Variants in CFAP43 observed in about 807,000 individuals in gnomAD.
CFAP43 encodes cilia and flagella associated protein 43.
In CFAP43, 155 loss-of-function variants were observed where a neutral mutation model predicts 218.9. That is an observed-to-expected ratio of 0.71 (90% CI 0.62 to 0.81). The LOEUF is 0.81. Ranked by LOEUF, CFAP43 falls within the 30% of genes least tolerant of loss-of-function variation. CFAP43 has a pLI of 0.00. For synonymous variants in CFAP43, 645 were observed against 681.3 expected (o/e 0.95, Z 0.83); for missense variants, 1,778 against 1,954.3 (o/e 0.91, Z 1.70).
chr10:104,170,031 G>A (rs532526645), intron 20 of CFAP43, among the ~76,000 whole-genome samples: 81 of 152,052 alleles, frequency 5.3e-4, no homozygotes, highest in Non-Finnish European at 9.1e-4. Flanking sequence ...TCACATCCTT[G>A]ACTGGCAGGT....
chr10:104,228,525 G>A (rs1281516995), intron 2 of CFAP43, among the ~76,000 whole-genome samples: 2 of 152,016 alleles, frequency 1.3e-5, no homozygotes, highest in East Asian at 1.9e-4. Flanking sequence ...TATTTTCCCA[G>A]ATGAATTTTG....
At chr10:104,152,777 T>A in intron 27 of CFAP43, 51 bp from the exon 28 acceptor site, 2 of 1,565,340 alleles carry the variant, frequency 1.3e-6, no homozygotes, top group Non-Finnish European at 1.7e-6. Context: ...TAAAGGCTCC[T>A]AGGAAGTGAT....
chr10:104,216,294 T>C (rs1330162689), intron 3 of CFAP43, among the ~76,000 whole-genome samples: 2 of 152,182 alleles, frequency 1.3e-5, no homozygotes, highest in East Asian at 1.9e-4. Flanking sequence ...AACTGGGCAC[T>C]GTTCACCACA....
At chr10:104,229,146 T>C (rs1445825019) in intron 2 of CFAP43, among the ~76,000 whole-genome samples, 1 of 152,212 alleles carries the variant, frequency 6.6e-6, no homozygotes, top group Non-Finnish European at 1.5e-5. Flanking sequence ...TGTCTTAAAC[T>C]GTTGAGAATG....
chr10:104,218,470 C>G (rs562012912), intron 3 of CFAP43, among the ~76,000 whole-genome samples: 1 of 151,510 alleles, frequency 6.6e-6, no homozygotes, highest in Non-Finnish European at 1.5e-5. Flanking sequence ...CCTTCTCAAG[C>G]AGTGGTTCAA....
chr10:104,184,986 A>G lies in CFAP43; in HGVS notation c.2141+30T>C, dbSNP rs189759330. ...TCTCTATTTTAACACACTATACTAC[A>G]TGGGGTTACTTACTGAATACTGTAC... On this transcript the variant is annotated intron_variant, in intron 16 of 37. Coordinates refer to ENST00000357060, the MANE Select transcript of CFAP43 (RefSeq NM_025145.7). 1.1e-4 allele frequency: 171 copies of G among 1,611,362 alleles called. 2 individuals carry two copies. In the East Asian group the frequency reaches 3.7e-3, roughly 35 times the overall value.
chr10:104,152,489 G>A (rs984286414), intron 28 of CFAP43, 118 bp downstream of exon 28: 21 of 1,398,004 alleles, frequency 1.5e-5, no homozygotes, highest in South Asian at 7.7e-5. Context: ...GGAGAGGGAC[G>A]CAGGGCCCAG....
rs2087302457 is a variant in CFAP43, at chr10:104,133,644, T to C, written c.4572A>G (p.Leu1524=). The C allele has an allele frequency of 6.2e-7, 1 of 1,612,060 alleles. No individual in the cohort carries two copies. The highest frequency in any genetic ancestry group is 8.5e-7 in the Non-Finnish European group (1 of 1,179,438). The change falls in exon 35 of 38, where the codon CTA becomes CTG. Residue 1524 remains leucine (L), a synonymous_variant. Transcript: ENST00000357060. Reference sequence around the variant, plus strand: ...CCTTTTGACGATCTCTTGAAAAAAATAGCATCTGAATATCCCAAGCCTTCT... The same window carrying C: ...CCTTTTGACGATCTCTTGAAAAAAACAGCATCTGAATATCCCAAGCCTTCT... ...LNQKAWDIQM[L]FFSRDRQKYL... is the part of the protein sequence containing the mutation.
chr10:104,221,959 G>A (rs2091193162), intron 3 of CFAP43, among the ~76,000 whole-genome samples: 1 of 152,112 alleles, frequency 6.6e-6, no homozygotes, highest in African/African-American at 2.4e-5. Context: ...AGATGTCCCA[G>A]ACCCCACCAG....
chr10:104,136,870 C>A (rs2134737277), intron 34 of CFAP43, among the ~76,000 whole-genome samples: 1 of 152,248 alleles, frequency 6.6e-6, no homozygotes, highest in South Asian at 2.1e-4. Context: ...TGAAAAGATG[C>A]TCAATGTCAT....
intron 19 of CFAP43, among the ~76,000 whole-genome samples, chr10:104,177,402 G>A (rs985966658): frequency 1.3e-5 from 2 of 152,170 alleles, no homozygotes; most frequent in Admixed American, 1.3e-4. Flanking sequence ...AAGGATGGCG[G>A]TCATTGCCAA....
chr10:104,185,272 G>GCCTACTTCCATACCAATTAAAAT, intron 15 of CFAP43, 126 bp from the exon 16 acceptor site: 1 of 1,261,380 alleles, frequency 7.9e-7, no homozygotes, highest in Non-Finnish European at 1.1e-6. Flanking sequence ...CATTTTAATT[G>GCCTACTTCCATACCAATTAAAAT]GTATGGAAGT....
intron 1 of CFAP43, among the ~76,000 whole-genome samples, chr10:104,231,548 G>T (rs2091447594): frequency 6.6e-6 from 1 of 152,168 alleles, no homozygotes; most frequent in South Asian, 2.1e-4. Flanking sequence ...AAAGGCAAGT[G>T]AAGGACACTG....
intron 1 of CFAP43, among the ~76,000 whole-genome samples, chr10:104,231,121 G>A (rs1644805330): frequency 6.6e-6 from 1 of 152,198 alleles, no homozygotes; most frequent in Non-Finnish European, 1.5e-5. Flanking sequence ...ACCTGAGAAA[G>A]TCTCAGAAGG....
Position 104,187,498 on chromosome 10 carries a change from A to G in CFAP43, c.1688-6T>C, listed in dbSNP as rs1040809148. On this transcript the variant is annotated splice_polypyrimidine_tract_variant and splice_region_variant and intron_variant, in intron 13 of 37. Transcript: ENST00000357060. ...ATCAGCAAAGGTTGTGGAAACTATT[A>G]GATTTGGAAAAAGAAGAGAAATCAC... 6.5e-7 allele frequency: 1 copy of G among 1,537,222 alleles called. No individual in the cohort carries two copies. The highest frequency in any genetic ancestry group is 8.7e-7 in the Non-Finnish European group (1 of 1,146,556).
In CFAP43 at chr10:104,130,303, A is replaced by G; in HGVS notation, c.4834T>C (p.Ser1612Pro). The stretch of plus-strand genomic sequence containing the variant: ...ACAATCTTTTCACAAGTCAGTTTAG[A>G]CCCTATCCCAAAAATGAATAAAGGA... ...ERKDICNAMG[S>P]KLTCEKIVKE... Residue 1612 changes from serine (S) to proline (P), a missense_variant and splice_region_variant, in exon 38 of 38, where the codon TCT (serine) becomes CCT (proline). Ser to Pro is a moderately conservative substitution (Grantham distance 74). This residue lies in a region of CFAP43 where 211 missense variants were observed against 230.6 expected (regional missense o/e 0.91). Coordinates refer to ENST00000357060, the MANE Select transcript of CFAP43 (RefSeq NM_025145.7). 1 of 1,604,002 alleles carries G rather than the reference A, an allele frequency of 6.2e-7. No homozygotes were observed. Among genetic ancestry groups the G allele is most frequent in the Non-Finnish European group, 8.5e-7 (1 of 1,178,038 alleles).
chr10:104,167,399 T>G (rs2089208906), intron 22 of CFAP43, among the ~76,000 whole-genome samples: 1 of 152,202 alleles, frequency 6.6e-6, no homozygotes. Context: ...ATCCTCATAT[T>G]TGAGGGCTAG....
chr10:104,182,570 C>T (rs2089888514), intron 16 of CFAP43, 57 bp from the exon 17 acceptor site: 1 of 1,470,378 alleles, frequency 6.8e-7, no homozygotes, highest in Admixed American at 2.6e-5. Context: ...TAAAAAATCA[C>T]ATTTAGCTGT....
At chr10:104,179,480 C>T (rs746227257) in intron 18 of CFAP43, among the ~76,000 whole-genome samples, 14 of 152,158 alleles carry the variant, frequency 9.2e-5, no homozygotes, top group Non-Finnish European at 1.6e-4. Flanking sequence ...ATAGCTGCAG[C>T]CACAGCATCC....
Sources: allele counts gnomAD v4.1 joint callset (sites outside exome capture counted in the v4.1 genomes callset), GRCh38; gene constraint gnomAD v4.1.1; regional missense constraint gnomAD v4.1.1; transcripts MANE v1.5; gene names NCBI Gene and HGNC (gene_info 2026-07-23, HGNC 2026-07-21).